ZNF804B: variants seen among roughly 807,000 people sequenced by gnomAD.
The protein encoded by ZNF804B is zinc finger protein 804B.
ZNF804B carries 80 observed loss-of-function variants against 101.4 expected under a neutral mutation model. The ratio of observed to expected loss-of-function variants is 0.79; its 90% CI spans 0.66 to 0.95. The LOEUF (loss-of-function observed/expected upper bound fraction) is 0.95. Ranked by LOEUF, ZNF804B falls within the 40% of genes least tolerant of loss-of-function variation. The probability of loss-of-function intolerance (pLI) is 0.00; values close to 1 mark genes in which losing one functional copy is unlikely to be tolerated. For synonymous variants in ZNF804B, 622 were observed against 558.8 expected (o/e 1.11, Z -1.59); for missense variants, 1,673 against 1,561.9 (o/e 1.07, Z -1.20).
At chr7:89,269,043 A>AT (rs1789842793) in intron 2 of ZNF804B, among the ~76,000 whole-genome samples, 1 of 151,820 alleles carries the variant, frequency 6.6e-6, no homozygotes, top group Non-Finnish European at 1.5e-5. Context: ...AGAAAAATTT[A>AT]TTTTTTCAAA....
chr7:89,051,689 T>A (rs1490240973), intron 1 of ZNF804B, among the ~76,000 whole-genome samples: 2 of 152,182 alleles, frequency 1.3e-5, no homozygotes, highest in Non-Finnish European at 2.9e-5. Context: ...TCTTTTAATT[T>A]TTGAGTTTTA....
At chr7:88,877,420 A>G (rs1372632658) in intron 1 of ZNF804B, among the ~76,000 whole-genome samples, 1 of 152,114 alleles carries the variant, frequency 6.6e-6, no homozygotes, top group East Asian at 1.9e-4. Flanking sequence ...GATTTATATT[A>G]AAAGAGATGA....
intron 1 of ZNF804B, among the ~76,000 whole-genome samples, chr7:89,043,197 C>T (rs961209675): frequency 2.0e-5 from 3 of 152,104 alleles, no homozygotes; most frequent in East Asian, 1.9e-4. Flanking sequence ...ATGCCGGTGT[C>T]CTTTGAGGCA....
In ZNF804B at chr7:89,221,098, T is replaced by C. The variant is rs964043126; in HGVS notation, c.249+2803T>C. 5.9e-5 allele frequency among the ~76,000 whole-genome samples: 9 copies of C among 152,022 alleles called. No individual in the cohort carries two copies. In the South Asian group the frequency reaches 1.4e-3, roughly 24 times the overall value. On this transcript the variant is annotated intron_variant, in intron 2 of 3. Coordinates refer to ENST00000333190, the MANE Select transcript of ZNF804B (RefSeq NM_181646.5). ...AAGTTTGATGAGTGAGTTGAGGTAC[T>C]ATCAGATTATTGATCCATTTATCAT... is the stretch of plus-strand genomic sequence containing the variant.
At chr7:89,323,310 A>G (rs1365817534) in intron 2 of ZNF804B, among the ~76,000 whole-genome samples, 1 of 152,226 alleles carries the variant, frequency 6.6e-6, no homozygotes, top group Non-Finnish European at 1.5e-5. Flanking sequence ...CCACACTAGA[A>G]TGACACAAGA....
chr7:89,031,631 G>A (rs541657595), intron 1 of ZNF804B, among the ~76,000 whole-genome samples: 1 of 150,594 alleles, frequency 6.6e-6, no homozygotes, highest in African/African-American at 2.4e-5. Flanking sequence ...TGTGGAAAAG[G>A]CAAATATTTT....
intron 1 of ZNF804B, among the ~76,000 whole-genome samples, chr7:88,994,279 TA>T (rs1223000446): frequency 7.2e-5 from 11 of 152,034 alleles, no homozygotes; most frequent in Non-Finnish European, 1.3e-4. Flanking sequence ...GTTGTTTATG[TA>T]AAATTGAGTG....
At chr7:89,081,599 A>G (rs1266646977) in intron 1 of ZNF804B, among the ~76,000 whole-genome samples, 7 of 151,822 alleles carry the variant, frequency 4.6e-5, no homozygotes, top group Non-Finnish European at 5.9e-5. Context: ...CAGGTCATCA[A>G]CATTTAAGCA....
intron 1 of ZNF804B, among the ~76,000 whole-genome samples, chr7:88,966,642 C>G (rs1419739532): frequency 6.6e-6 from 1 of 151,412 alleles, no homozygotes; most frequent in African/African-American, 2.4e-5. Context: ...TCCTTGCTGT[C>G]CTTCTAAACT....
chr7:89,245,174 C>T (rs745547854), intron 2 of ZNF804B, among the ~76,000 whole-genome samples: 14 of 151,870 alleles, frequency 9.2e-5, no homozygotes, highest in Non-Finnish European at 1.3e-4. Context: ...ATAACTATGA[C>T]TAGGAGATTT....
intron 1 of ZNF804B, among the ~76,000 whole-genome samples, chr7:89,097,667 T>A (rs1789989168): frequency 6.6e-6 from 1 of 152,206 alleles, no homozygotes; most frequent in Admixed American, 6.5e-5. Context: ...ATAGTGTGTA[T>A]TTTGAAAGTG....
intron 1 of ZNF804B, among the ~76,000 whole-genome samples, chr7:88,862,207 A>G (rs745739192): frequency 4.6e-5 from 7 of 152,158 alleles, no homozygotes; most frequent in East Asian, 1.9e-4. Context: ...TTGAACATCT[A>G]AAACTACTTC....
chr7:88,928,789 C>T (rs1156555836), intron 1 of ZNF804B, among the ~76,000 whole-genome samples: 1 of 152,104 alleles, frequency 6.6e-6, no homozygotes, highest in African/African-American at 2.4e-5. Context: ...GAAAACACTG[C>T]TTGTAACAGT....
intron 2 of ZNF804B, among the ~76,000 whole-genome samples, chr7:89,298,195 CTATA>C (rs1790414690): frequency 2.7e-5 from 1 of 36,882 alleles, no homozygotes; most frequent in South Asian, 7.9e-4. Flanking sequence ...GTATATATAT[CTATA>C]TAGTGTGTGT....
intron 1 of ZNF804B, among the ~76,000 whole-genome samples, chr7:89,169,323 C>T (rs764204676): frequency 9.9e-5 from 15 of 152,142 alleles, no homozygotes; most frequent in Admixed American, 2.0e-4. Flanking sequence ...ACTCGCGGCT[C>T]GAATGCCTGA....
At chr7:88,823,811 GAGA>G (rs777102383) in intron 1 of ZNF804B, among the ~76,000 whole-genome samples, 40 of 152,056 alleles carry the variant, frequency 2.6e-4, no homozygotes, top group Non-Finnish European at 3.5e-4. Context: ...AGAGAACAAT[GAGA>G]AGAAGAGGAA....
chr7:88,969,978 A>T (rs1010457318), intron 1 of ZNF804B, among the ~76,000 whole-genome samples: 3 of 151,422 alleles, frequency 2.0e-5, no homozygotes, highest in Non-Finnish European at 4.4e-5. Context: ...TGAAGAGGTA[A>T]CACTCAACTG....
At chr7:89,088,359 A>T (rs1789837169) in intron 1 of ZNF804B, among the ~76,000 whole-genome samples, 1 of 152,050 alleles carries the variant, frequency 6.6e-6, no homozygotes, top group South Asian at 2.1e-4. Flanking sequence ...GCTGAGAATG[A>T]GATCTGGAAC....
chr7:88,836,632 A>ATGC, intron 1 of ZNF804B, among the ~76,000 whole-genome samples: 1 of 152,124 alleles, frequency 6.6e-6, no homozygotes, highest in East Asian at 1.9e-4. Flanking sequence ...AAATGTATAA[A>ATGC]TGCACAAATG....
Sources: allele counts gnomAD v4.1 joint callset (sites outside exome capture counted in the v4.1 genomes callset), GRCh38; gene constraint gnomAD v4.1.1; transcripts MANE v1.5; gene names NCBI Gene and HGNC (gene_info 2026-07-23, HGNC 2026-07-21).